The following MAP3K2 variants were observed in gnomAD, a reference collection of about 807,000 sequenced individuals.
MAP3K2 encodes the protein MAP/ERK kinase kinase 2.
In MAP3K2, 24 loss-of-function variants were observed where a neutral mutation model predicts 80.3. The ratio of observed to expected loss-of-function variants is 0.30; its 90% CI spans 0.22 to 0.42. The LOEUF (loss-of-function observed/expected upper bound fraction) is 0.42, where lower values mean the gene tolerates loss of function less well. MAP3K2 is among the 10% of genes least tolerant of loss of function. The pLI is 1.00. For synonymous variants in MAP3K2, 244 were observed against 253.7 expected (o/e 0.96, Z 0.36); for missense variants, 608 against 750.1 (o/e 0.81, Z 2.21).
Position 127,322,179 on chromosome 2 carries a change from A to G in MAP3K2, c.912T>C (p.Thr304=), listed in dbSNP as rs370923609. The G allele has an allele frequency of 1.7e-5, 27 of 1,613,884 alleles. No homozygotes were observed. The highest frequency in any genetic ancestry group is 8.3e-5 in the Admixed American group (5 of 60,012). Residue 304 remains threonine (T), a synonymous_variant, in exon 12 of 17, where the codon ACT becomes ACC. Coordinates refer to ENST00000682094, the MANE Select transcript of MAP3K2 (RefSeq NM_001371910.2). The surrounding 1 kb of genome is among the most constrained non-coding windows in gnomAD (Gnocchi z 4.2). The part of the protein sequence containing the change: ...SLRSPVSFSP[T]DHSLSTSSGS... The stretch of plus-strand genomic sequence containing the variant: ...CACTACTAGTGCTTAAGGAATGATC[A>G]GTAGGACTGAAACTCACAGGAGACC...
chr2:127,358,465 C>A (rs1438833062), intron 1 of MAP3K2, among the ~76,000 whole-genome samples: 6 of 152,192 alleles, frequency 3.9e-5, no homozygotes, highest in African/African-American at 1.4e-4. Context: ...TACACAAAAA[C>A]CTATGCATGA....
At chr2:127,379,496 T>C (rs1687212053) in intron 1 of MAP3K2, among the ~76,000 whole-genome samples, 2 of 152,296 alleles carry the variant, frequency 1.3e-5, no homozygotes, top group South Asian at 4.1e-4. Flanking sequence ...TTCACTACCT[T>C]TATTTTCTTT....
chr2:127,365,529 G>A (rs902342797), intron 1 of MAP3K2, among the ~76,000 whole-genome samples: 9 of 152,176 alleles, frequency 5.9e-5, no homozygotes, highest in Non-Finnish European at 1.0e-4. Flanking sequence ...GTTGCCAGCC[G>A]ACTGCGCAGC....
At chr2:127,366,719 C>T (rs1252008522) in intron 1 of MAP3K2, among the ~76,000 whole-genome samples, 1 of 152,112 alleles carries the variant, frequency 6.6e-6, no homozygotes, top group Non-Finnish European at 1.5e-5. Flanking sequence ...CCACTCCCTA[C>T]CTTTTTGGCT....
intron 1 of MAP3K2, among the ~76,000 whole-genome samples, chr2:127,380,285 T>C (rs538343789): frequency 4.8e-4 from 73 of 152,222 alleles, no homozygotes; most frequent in Non-Finnish European, 7.8e-4. Context: ...GAGGCAAGTG[T>C]GCACAGAGTG....
At position 127,364,416 on chromosome 2, in the gene MAP3K2, C is replaced by A. The variant is rs898818762; in HGVS notation, c.-65-21222G>T. 4.6e-5 allele frequency among the ~76,000 whole-genome samples: 7 copies of A among 152,114 alleles called. No homozygotes were observed. The highest frequency in any genetic ancestry group is 1.5e-5 in the Non-Finnish European group (1 of 68,018). On this transcript the variant is annotated intron_variant, in intron 1 of 16. Coordinates refer to ENST00000682094, the MANE Select transcript of MAP3K2 (RefSeq NM_001371910.2). The surrounding 1 kb of genome is among the most constrained non-coding windows in gnomAD (Gnocchi z 4.1). ...GCTTCCTTTTTTCTACTTGTCCAAA[C>A]CATCTTTTAAGGGCCCAGCTTAAGC...
chr2:127,365,478 A>G (rs1228231199), intron 1 of MAP3K2, among the ~76,000 whole-genome samples: 2 of 152,174 alleles, frequency 1.3e-5, no homozygotes, highest in Admixed American at 1.3e-4. Context: ...TGGCCCAAAG[A>G]GCAAAAGACT....
At chr2:127,313,177 C>T (rs1357911641) in intron 15 of MAP3K2, among the ~76,000 whole-genome samples, 1 of 152,140 alleles carries the variant, frequency 6.6e-6, no homozygotes, top group East Asian at 1.9e-4. Flanking sequence ...TCTCTTTTGA[C>T]CAGGATGGCT....
At chr2:127,335,764 T>G in intron 5 of MAP3K2, 106 bp downstream of exon 5, 1 of 588,794 alleles carries the variant, frequency 1.7e-6, no homozygotes, top group Non-Finnish European at 3.0e-6. Flanking sequence ...ACATACCATA[T>G]ATTTATCAAT....
intron 1 of MAP3K2, among the ~76,000 whole-genome samples, chr2:127,352,033 T>A (rs901413732): frequency 2.0e-5 from 3 of 152,000 alleles, no homozygotes; most frequent in African/African-American, 7.3e-5. Flanking sequence ...CGCACCACCA[T>A]GCCCAGCTAA....
chr2:127,298,851 C>G lies in MAP3K2; in HGVS notation c.*8728G>C, dbSNP rs1685536149. On this transcript the variant is annotated 3_prime_UTR_variant, in exon 17 of 17. Transcript: ENST00000682094. The stretch of plus-strand genomic sequence containing the variant: ...ATTGCAGGCCTTCATGCACGTAAAC[C>G]TCAACAAAATGTGTGCCAACAATAT... The G allele has an allele frequency of 6.6e-6, 1 of 152,038 alleles. No homozygotes were observed. Among genetic ancestry groups the G allele is most frequent in the Non-Finnish European group, 1.5e-5 (1 of 68,002 alleles). The allele number at this position is 152,038 out of a possible 1,614,324, so 9.4% of individuals were successfully genotyped here.
chr2:127,301,454 T>C lies in MAP3K2; in HGVS notation c.*6125A>G, dbSNP rs773460722. 15 of 152,228 alleles carry C rather than the reference T, an allele frequency of 9.9e-5. No homozygotes were observed. Among genetic ancestry groups the C allele is most frequent in the Non-Finnish European group, 1.9e-4 (13 of 68,028 alleles). 9.4% of individuals were successfully genotyped at this position (152,228 alleles called of 1,614,324 possible). On this transcript the variant is annotated 3_prime_UTR_variant, in exon 17 of 17. Transcript: ENST00000682094. ...CACCTGTCCTTTTCCTTGAAGGATATACCAGAATACAAATTCTACTAGTAT... is the reference window on the plus strand; with the variant it reads ...CACCTGTCCTTTTCCTTGAAGGATACACCAGAATACAAATTCTACTAGTAT...
At chr2:127,372,449 A>G (rs1687081734) in intron 1 of MAP3K2, among the ~76,000 whole-genome samples, 1 of 152,194 alleles carries the variant, frequency 6.6e-6, no homozygotes, top group African/African-American at 2.4e-5. Flanking sequence ...ACGGATGGAT[A>G]TTTCAAACAT....
intron 1 of MAP3K2, among the ~76,000 whole-genome samples, chr2:127,359,551 T>C (rs1395183099): frequency 6.6e-6 from 1 of 152,190 alleles, no homozygotes; most frequent in Non-Finnish European, 1.5e-5. Flanking sequence ...GACAATTTTT[T>C]ACAAAGGTAA....
chr2:127,307,912 C>T lies in MAP3K2; in HGVS notation c.1635-108G>A, dbSNP rs1685733256. On this transcript the variant is annotated intron_variant, in intron 16 of 16. Coordinates refer to ENST00000682094, the MANE Select transcript of MAP3K2 (RefSeq NM_001371910.2). This position sits in a 1 kb window ranked among gnomAD's most constrained non-coding sequence, Gnocchi z 5.4. ...TAAGTCCATATATATTTAAATATGA[C>T]TTAATTTCAAGTTCAAAGTTTCATT... The T allele has an allele frequency of 1.5e-6, 1 of 651,478 alleles. No homozygotes were observed. The allele number at this position is 651,478 out of a possible 1,614,324, so 40.4% of individuals were successfully genotyped here.
chr2:127,325,338 T>C (rs571776362), intron 9 of MAP3K2, among the ~76,000 whole-genome samples: 1 of 152,298 alleles, frequency 6.6e-6, no homozygotes, highest in East Asian at 1.9e-4. Context: ...TTACTGATAA[T>C]TCAACATTCT....
chr2:127,378,985 T>G (rs1054403482), intron 1 of MAP3K2, among the ~76,000 whole-genome samples: 1,446 of 142,566 alleles, frequency 0.01, 17 homozygotes, highest in Non-Finnish European at 0.015. Flanking sequence ...TTTGTTGTTT[T>G]TTTTTTTTTT....
chr2:127,373,663 C>A (rs893860300), intron 1 of MAP3K2, among the ~76,000 whole-genome samples: 1 of 152,182 alleles, frequency 6.6e-6, no homozygotes, highest in East Asian at 1.9e-4. Context: ...GTTTTTCCCA[C>A]TAAACACTCC....
rs1553516384 is a variant in MAP3K2, at chr2:127,322,899, A to AT, written c.839-648dup. Among the ~76,000 whole-genome samples the AT allele has an allele frequency of 1.3e-5, 2 of 150,588 alleles. No homozygotes were observed. The highest frequency in any genetic ancestry group is 3.0e-5 in the Non-Finnish European group (2 of 67,638). ...CATGAGCCACCGCACCTGGCCAGTA[A>AT]TTTTTTTTCTTAAAGGGATGATGTA... On this transcript the variant is annotated intron_variant, in intron 11 of 16. Coordinates refer to ENST00000682094, the MANE Select transcript of MAP3K2 (RefSeq NM_001371910.2). The surrounding 1 kb of genome is among the most constrained non-coding windows in gnomAD (Gnocchi z 4.2).
Sources: allele counts gnomAD v4.1 joint callset (sites outside exome capture counted in the v4.1 genomes callset), GRCh38; gene constraint gnomAD v4.1.1; non-coding constraint Gnocchi (gnomAD v3.1); transcripts MANE v1.5; gene names NCBI Gene and HGNC (gene_info 2026-07-23, HGNC 2026-07-21).